Variants in VPS13B observed in about 807,000 individuals in gnomAD.
VPS13B encodes vacuolar protein sorting 13 homolog B.
A neutral mutation model predicts 426.4 loss-of-function variants in VPS13B; 285 were observed. The observed-to-expected ratio is 0.67, with a 90% CI of 0.61 to 0.74. VPS13B has a LOEUF of 0.74. Ranked by LOEUF, VPS13B falls within the 30% of genes least tolerant of loss-of-function variation. The pLI is 0.00. For synonymous variants in VPS13B, 1,676 were observed against 1,676.4 expected, an observed-to-expected ratio of 1.00 and a Z score of 0.01; for missense variants, 4,537 against 4,782.6, an observed-to-expected ratio of 0.95 and a Z score of 1.51.
intron 2 of VPS13B, among the ~76,000 whole-genome samples, chr8:99,029,451 G>T (rs1353656741): frequency 6.6e-6 from 1 of 151,986 alleles, no homozygotes; most frequent in Non-Finnish European, 1.5e-5. Flanking sequence ...GTAGCGAGCC[G>T]AGATCACGCC....
intron 2 of VPS13B, among the ~76,000 whole-genome samples, chr8:99,029,974 A>G (rs2132188321): frequency 6.6e-6 from 1 of 152,206 alleles, no homozygotes; most frequent in Admixed American, 6.5e-5. Flanking sequence ...ATGTATCCTG[A>G]GAGGACCTTT....
At chr8:99,244,543 C>T (rs1251735000) in intron 17 of VPS13B, among the ~76,000 whole-genome samples, 2 of 152,130 alleles carry the variant, frequency 1.3e-5, no homozygotes, top group Admixed American at 1.3e-4. Flanking sequence ...AACAAAAATT[C>T]GTATGGAGAA....
chr8:99,759,199 C>A (rs1240068876), intron 39 of VPS13B, among the ~76,000 whole-genome samples: 1 of 152,102 alleles, frequency 6.6e-6, no homozygotes, highest in Non-Finnish European at 1.5e-5. Flanking sequence ...TTTTCCACTC[C>A]ATTTAACTAC....
At chr8:99,609,970 T>C (rs1457043015) in intron 33 of VPS13B, among the ~76,000 whole-genome samples, 2 of 152,308 alleles carry the variant, frequency 1.3e-5, no homozygotes, top group South Asian at 2.1e-4. Context: ...CGGTCCTTAA[T>C]AGGGTCTCTG....
chr8:99,151,540 G>GT (rs546095330), intron 14 of VPS13B, among the ~76,000 whole-genome samples: 1,495 of 146,944 alleles, frequency 0.01, 17 homozygotes, highest in South Asian at 0.031. Flanking sequence ...GTACTTCTTT[G>GT]TTTTTTTTTT....
At chr8:99,577,801 ATTTG>A (rs1825847478) in intron 33 of VPS13B, 168 bp downstream of exon 33, 2 of 1,018,920 alleles carry the variant, frequency 2.0e-6, no homozygotes, top group Admixed American at 4.7e-5. Context: ...TATTTTAGAA[ATTTG>A]TTTGGTCTCT....
intron 30 of VPS13B, among the ~76,000 whole-genome samples, chr8:99,529,976 T>C (rs994000743): frequency 6.6e-6 from 1 of 152,192 alleles, no homozygotes. Context: ...AATCCAATAA[T>C]GCTTATTATG....
intron 39 of VPS13B, among the ~76,000 whole-genome samples, 164 bp downstream of exon 39, chr8:99,721,211 G>A (rs1683081660): frequency 6.6e-6 from 1 of 152,054 alleles, no homozygotes; most frequent in Non-Finnish European, 1.5e-5. Flanking sequence ...TATATAATGG[G>A]ATTTTAAAAA....
intron 33 of VPS13B, among the ~76,000 whole-genome samples, chr8:99,625,017 G>A (rs1439851847): frequency 6.6e-6 from 1 of 151,900 alleles, no homozygotes; most frequent in Non-Finnish European, 1.5e-5. Context: ...TAGAGACGGA[G>A]TTTCTCCATG....
chr8:99,135,740 G>C lies in VPS13B; in HGVS notation c.1563+7G>C, dbSNP rs1185654925. 2 of 1,612,918 alleles carry C rather than the reference G, an allele frequency of 1.2e-6. No homozygotes were observed. The highest frequency in any genetic ancestry group is 3.3e-5 in the Admixed American group (2 of 59,990). ...GGATTCAACTCATCATAAGGTTAGA[G>C]AATATATATTTGAACCAAATTCTAG... On this transcript the variant is annotated splice_region_variant and intron_variant, in intron 11 of 61. Coordinates refer to ENST00000357162, the MANE Select transcript of VPS13B (RefSeq NM_152564.5).
chr8:99,247,150 T>C (rs1040252111), intron 17 of VPS13B, among the ~76,000 whole-genome samples: 10 of 152,134 alleles, frequency 6.6e-5, no homozygotes, highest in African/African-American at 2.2e-4. Flanking sequence ...TAAGGGACAG[T>C]GTGGAGCTTT....
chr8:99,226,755 A>G (rs1199279593), intron 17 of VPS13B, among the ~76,000 whole-genome samples: 1 of 152,202 alleles, frequency 6.6e-6, no homozygotes, highest in African/African-American at 2.4e-5. Context: ...AAATTTTTTA[A>G]AACGGATACA....
intron 17 of VPS13B, among the ~76,000 whole-genome samples, chr8:99,253,292 A>G (rs993604850): frequency 1.3e-5 from 2 of 152,106 alleles, no homozygotes; most frequent in Admixed American, 1.3e-4. Context: ...TAATGGTTTT[A>G]TGAACATTCT....
At chr8:99,249,427 GTTTT>G (rs35700362) in intron 17 of VPS13B, among the ~76,000 whole-genome samples, 2 of 117,714 alleles carry the variant, frequency 1.7e-5, no homozygotes, top group Non-Finnish European at 1.8e-5. Context: ...TAGTTGAATG[GTTTT>G]TTTTTTTTTT....
At chr8:99,261,287 C>CAGCCAAACCCTAGCCAAA (rs1818025978) in intron 17 of VPS13B, among the ~76,000 whole-genome samples, 2 of 152,080 alleles carry the variant, frequency 1.3e-5, no homozygotes, top group Admixed American at 1.3e-4. Context: ...TTTATCCTAT[C>CAGCCAAACCCTAGCCAAA]CCCCACCAGC....
chr8:99,868,273 G>A lies in VPS13B; in HGVS notation c.11216-16G>A. 1 of 1,614,084 alleles carries A rather than the reference G, an allele frequency of 6.2e-7. No individual in the cohort carries two copies. The highest frequency in any genetic ancestry group is 8.5e-7 in the Non-Finnish European group (1 of 1,179,996). On this transcript the variant is annotated splice_polypyrimidine_tract_variant and intron_variant, in intron 58 of 61. Transcript: ENST00000357162. ...TTTTAAGCCTCTGTCCTTACTGAGG[G>A]CTTTTGTTATTCCAGGTGCAATTGC... is the stretch of plus-strand genomic sequence containing the variant.
intron 19 of VPS13B, among the ~76,000 whole-genome samples, chr8:99,295,258 A>G (rs1376930780): frequency 6.6e-6 from 1 of 152,196 alleles, no homozygotes; most frequent in Non-Finnish European, 1.5e-5. Context: ...AACTTTATAT[A>G]CAGGTTAATG....
intron 13 of VPS13B, 92 bp from the exon 14 acceptor site, chr8:99,147,749 C>A: frequency 1.2e-6 from 1 of 828,168 alleles, no homozygotes. Context: ...CAGGATTTGA[C>A]CTTATAGTTT....
At chr8:99,331,923 A>G (rs1230418442) in intron 19 of VPS13B, among the ~76,000 whole-genome samples, 1 of 151,748 alleles carries the variant, frequency 6.6e-6, no homozygotes, top group Non-Finnish European at 1.5e-5. Context: ...GTAATTTAAG[A>G]TAAAGGAATA....
Sources: allele counts gnomAD v4.1 joint callset (sites outside exome capture counted in the v4.1 genomes callset), GRCh38; gene constraint gnomAD v4.1.1; transcripts MANE v1.5; gene names NCBI Gene and HGNC (gene_info 2026-07-23, HGNC 2026-07-21).